Variants in DYRK3 observed in about 807,000 individuals in gnomAD.
DYRK3 encodes the protein dual specificity tyrosine-phosphorylation-regulated kinase 3.
DYRK3 carries 30 observed loss-of-function variants against 40.8 expected under a neutral mutation model. That is an observed-to-expected ratio of 0.74 (90% CI 0.55 to 1.00). The LOEUF (loss-of-function observed/expected upper bound fraction) is 1.00. DYRK3 is among the 50% of genes least tolerant of loss of function. The pLI is 0.00. For synonymous variants in DYRK3, 272 were observed against 260.7 expected (o/e 1.04, Z -0.42); for missense variants, 699 against 731.5 (o/e 0.96, Z 0.51).
chr1:206,648,401 A>ACC lies in DYRK3; in HGVS notation c.1204_1205insCC (p.Leu402ProfsTer3). On this transcript the variant is annotated frameshift_variant, in exon 3 of 3. Transcript: ENST00000367109. LOFTEE classifies it high-confidence loss of function. ...GGAGTTTTGGCTGCATCCTTGCAGAACTTTTAACAGGACAGCCTCTCTTCC... is the reference window on the plus strand; with the variant it reads ...GGAGTTTTGGCTGCATCCTTGCAGAACCCTTTTAACAGGACAGCCTCTCTTCC... The ACC allele has an allele frequency of 6.2e-7, 1 of 1,614,198 alleles. No individual in the cohort carries two copies. Among genetic ancestry groups the ACC allele is most frequent in the Non-Finnish European group, 8.5e-7 (1 of 1,180,026 alleles).
rs1158903517 is a variant in DYRK3, at chr1:206,647,862, C to T, written c.664C>T (p.Gln222Ter). ...AATTATTGGCAAGGGGAGTTTTGGG[C>T]AGGTGGCCAGGGTCTATGATCACAA... ...LKIIGKGSFGQVARVYDHKLR... is the reference protein window; with the variant it reads ...LKIIGKGSFG Residue 222 changes from glutamine (Q) to a stop codon, truncating the protein, a stop_gained, in exon 3 of 3, where the codon CAG (glutamine) becomes TAG (stop). Transcript: ENST00000367109. LOFTEE classifies it high-confidence loss of function. The T allele has an allele frequency of 2.5e-6, 4 of 1,614,008 alleles. No individual in the cohort carries two copies. The highest frequency in any genetic ancestry group is 1.3e-5 in the African/African-American group (1 of 74,972).
Position 206,635,630 on chromosome 1 carries a change from G to A in DYRK3, c.-74G>A. The A allele has an allele frequency of 8.1e-7, 1 of 1,239,106 alleles. No individual in the cohort carries two copies. Among genetic ancestry groups the A allele is most frequent in the Non-Finnish European group, 1.0e-6 (1 of 988,126 alleles). The allele number at this position is 1,239,106 out of a possible 1,614,324, so 76.8% of individuals were successfully genotyped here. ...GGAGCGTCGCGCCGCGGAGGCAGCCGTCCCGGCGTAGGTGGCGTGGCCGAC... is the reference window on the plus strand; with the variant it reads ...GGAGCGTCGCGCCGCGGAGGCAGCCATCCCGGCGTAGGTGGCGTGGCCGAC... On this transcript the variant is annotated 5_prime_UTR_variant, in exon 1 of 3. Coordinates refer to ENST00000367109, the MANE Select transcript of DYRK3 (RefSeq NM_003582.4).
In DYRK3 at chr1:206,648,621, C is replaced by T. The variant is rs782035317; in HGVS notation, c.1423C>T (p.Arg475Trp). ...GGGTCGCTCACGTAGGGGTAAAAAG[C>T]GGGGTCCCCCAGGCAGCAAAGACTG... ...VGGRSRRGKK[R>W]GPPGSKDWGT... Residue 475 changes from arginine (R) to tryptophan (W), a missense_variant, in exon 3 of 3, where the codon CGG becomes TGG. Physicochemically the swap from Arg to Trp is moderately radical, Grantham distance 101. Coordinates refer to ENST00000367109, the MANE Select transcript of DYRK3 (RefSeq NM_003582.4). 40 of 1,613,536 alleles carry T rather than the reference C, an allele frequency of 2.5e-5. No individual in the cohort carries two copies. The highest frequency in any genetic ancestry group is 2.7e-5 in the Non-Finnish European group (32 of 1,179,618).
intron 2 of DYRK3, among the ~76,000 whole-genome samples, chr1:206,645,040 T>C (rs1487641252): frequency 6.6e-6 from 1 of 152,236 alleles, no homozygotes; most frequent in Admixed American, 6.5e-5. Context: ...GTAAGTGTTC[T>C]ATAAATATTT....
rs189793069 is a variant in DYRK3, at chr1:206,649,228, C to G, written c.*263C>G. 6.6e-5 allele frequency: 27 copies of G among 409,848 alleles called. No individual in the cohort carries two copies. In the East Asian group the frequency reaches 9.4e-4, roughly 14 times the overall value. The allele number at this position is 409,848 out of a possible 1,614,324, so 25.4% of individuals were successfully genotyped here. ...GTTATTATCGTCAGATGTATTTCAA[C>G]TGATGTATTATACTATTGGTTTAAA... On this transcript the variant is annotated 3_prime_UTR_variant, in exon 3 of 3. Transcript: ENST00000367109.
chr1:206,645,241 T>G lies in DYRK3; in HGVS notation c.190-2147T>G, dbSNP rs181374505. 6.1e-3 allele frequency among the ~76,000 whole-genome samples: 927 copies of G among 152,274 alleles called. 6 individuals are homozygous for G. Among genetic ancestry groups the G allele is most frequent in the Middle Eastern group, 0.01 (3 of 294 alleles). On this transcript the variant is annotated intron_variant, in intron 2 of 2. Transcript: ENST00000367109. The stretch of plus-strand genomic sequence containing the variant: ...TAGGTTATATTAAAATTTCTAGTTT[T>G]TAAAGGTTTGACTACTTTTTAGCTT...
At chr1:206,645,885 C>G (rs782332907) in intron 2 of DYRK3, among the ~76,000 whole-genome samples, 1 of 151,858 alleles carries the variant, frequency 6.6e-6, no homozygotes, top group African/African-American at 2.4e-5. Flanking sequence ...GAGTCTCACT[C>G]TGTCGCTCAG....
At position 206,653,909 on chromosome 1, in the gene DYRK3, A is replaced by G. The variant is rs1029274688; in HGVS notation, c.*4944A>G. 5.3e-5 allele frequency among the ~76,000 whole-genome samples: 8 copies of G among 152,220 alleles called. No homozygotes were observed. The highest frequency in any genetic ancestry group is 3.3e-4 in the Admixed American group (5 of 15,278). On this transcript the variant is annotated 3_prime_UTR_variant, in exon 3 of 3. Coordinates refer to ENST00000367109, the MANE Select transcript of DYRK3 (RefSeq NM_003582.4). ...TCATTACAATTTAGTTTTTGTGACA[A>G]TCTGTTAAGAAGGGGGCTTATTGCA...
At position 206,648,445 on chromosome 1, in the gene DYRK3, A is replaced by C. The variant is rs782806740; in HGVS notation, c.1247A>C (p.Asp416Ala). The change falls in exon 3 of 3, where the codon GAC becomes GCC. Residue 416 changes from aspartate to alanine, a missense_variant. By Grantham distance (126) the Asp-to-Ala change is moderately radical. Transcript: ENST00000367109. ...QPLFPGEDEG[D>A]QLACMMELLG... Reference sequence around the variant, plus strand: ...CTCTTCCCTGGAGAGGATGAAGGAGACCAGTTGGCCTGCATGATGGAGCTT... The same window carrying C: ...CTCTTCCCTGGAGAGGATGAAGGAGCCCAGTTGGCCTGCATGATGGAGCTT... The C allele has an allele frequency of 6.2e-7, 1 of 1,614,104 alleles. No individual in the cohort carries two copies. The highest frequency in any genetic ancestry group is 8.5e-7 in the Non-Finnish European group (1 of 1,180,020).
chr1:206,638,574 G>T lies in DYRK3; in HGVS notation c.189+813G>T, dbSNP rs1671188174. 2.7e-5 allele frequency among the ~76,000 whole-genome samples: 4 copies of T among 148,494 alleles called. No individual in the cohort carries two copies. In the South Asian group the frequency reaches 9.3e-4, roughly 34 times the overall value. On this transcript the variant is annotated intron_variant, in intron 2 of 2. Transcript: ENST00000367109. ...CAGGCGTGAGCCACCGTGCTTGGCA[G>T]CTTTTTTTTTTTTTTAACTTAAGAT... is the stretch of plus-strand genomic sequence containing the variant.
chr1:206,654,217 G>A lies in DYRK3; in HGVS notation c.*5252G>A, dbSNP rs550954931. On this transcript the variant is annotated 3_prime_UTR_variant, in exon 3 of 3. Transcript: ENST00000367109. The stretch of plus-strand genomic sequence containing the variant: ...TCATCAACACGGAAGTTGGAAAGGT[G>A]ACAATGATTGTTCTAGACTGCCTCT... Among the ~76,000 whole-genome samples the A allele has an allele frequency of 6.6e-6, 1 of 152,332 alleles. No individual in the cohort carries two copies. Among genetic ancestry groups the A allele is most frequent in the South Asian group, 2.1e-4 (1 of 4,830 alleles).
chr1:206,645,682 C>CTTTTTTT (rs1226901506), intron 2 of DYRK3, among the ~76,000 whole-genome samples: 1 of 126,934 alleles, frequency 7.9e-6, no homozygotes, highest in African/African-American at 2.9e-5. Context: ...TCACATCTGG[C>CTTTTTTT]TTTTTTTTTT....
At chr1:206,645,347 TCAAA>T (rs1671419839) in intron 2 of DYRK3, among the ~76,000 whole-genome samples, 1 of 152,082 alleles carries the variant, frequency 6.6e-6, no homozygotes, top group African/African-American at 2.4e-5. Flanking sequence ...TCTGAAATTA[TCAAA>T]CAGATAAAGG....
chr1:206,644,249 C>T (rs970611460), intron 2 of DYRK3, among the ~76,000 whole-genome samples: 2 of 151,460 alleles, frequency 1.3e-5, no homozygotes, highest in African/African-American at 2.4e-5. Context: ...TGGTCAGGCT[C>T]GTCCCCAACT....
rs1553420740 is a variant in DYRK3 at position 206,648,505 on chromosome 1, C to T, written c.1307C>T (p.Ser436Phe). Residue 436 changes from serine (S) to phenylalanine (F), a missense_variant, in exon 3 of 3, where the codon TCC becomes TTC. Coordinates refer to ENST00000367109, the MANE Select transcript of DYRK3 (RefSeq NM_003582.4). ...GMPPPKLLEQ[S>F]KRAKYFINSK... The stretch of plus-strand genomic sequence containing the variant: ...CCACCACCAAAACTTCTGGAGCAAT[C>T]CAAACGTGCCAAGTACTTTATTAAT... 6.2e-7 allele frequency: 1 copy of T among 1,614,156 alleles called. No homozygotes were observed.
Position 206,648,670 on chromosome 1 carries a change from A to G in DYRK3, c.1472A>G (p.Asp491Gly). 1 of 1,614,010 alleles carries G rather than the reference A, an allele frequency of 6.2e-7. No homozygotes were observed. The highest frequency in any genetic ancestry group is 1.1e-5 in the South Asian group (1 of 91,080). Residue 491 changes from aspartate to glycine, a missense_variant, in exon 3 of 3, where the codon GAT becomes GGT. Transcript: ENST00000367109. The stretch of plus-strand genomic sequence containing the variant: ...TGGGGGACAGCACTGAAAGGGTGTG[A>G]TGACTACTTGTTTATAGAGTTCTTG... ...KDWGTALKGC[D>G]DYLFIEFLKR...
intron 2 of DYRK3, among the ~76,000 whole-genome samples, chr1:206,641,567 C>T (rs1553419369): frequency 6.7e-6 from 1 of 149,788 alleles, no homozygotes; most frequent in African/African-American, 2.5e-5. Context: ...TTTTTTAGAA[C>T]AATGGAAGGA....
At chr1:206,640,596 G>C (rs571360917) in intron 2 of DYRK3, among the ~76,000 whole-genome samples, 1 of 147,008 alleles carries the variant, frequency 6.8e-6, no homozygotes, top group East Asian at 2.0e-4. Flanking sequence ...TGTCACTGAG[G>C]CTGGAGTGCA....
chr1:206,649,455 G>C lies in DYRK3; in HGVS notation c.*490G>C, dbSNP rs1671572705. Among the ~76,000 whole-genome samples the C allele has an allele frequency of 6.6e-6, 1 of 152,198 alleles. No homozygotes were observed. Among genetic ancestry groups the C allele is most frequent in the South Asian group, 2.1e-4 (1 of 4,830 alleles). On this transcript the variant is annotated 3_prime_UTR_variant, in exon 3 of 3. Transcript: ENST00000367109. Reference sequence around the variant, plus strand: ...GAGCTCACAGCAGACTGTGGGGTGGGGGAGCACCAGGAAGCTGTTGGTGAC... The same window carrying C: ...GAGCTCACAGCAGACTGTGGGGTGGCGGAGCACCAGGAAGCTGTTGGTGAC...
Sources: gnomAD v4.1 joint callset for allele counts (sites outside exome capture counted in the v4.1 genomes callset) on GRCh38, gnomAD v4.1.1 for gene constraint, MANE v1.5 for transcripts, NCBI Gene and HGNC (gene_info 2026-07-23, HGNC 2026-07-21) for gene names.